The following ACSS2 variants were observed in gnomAD, a reference collection of about 807,000 sequenced individuals.
The protein encoded by ACSS2 is acyl-CoA synthetase short chain family member 2.
Under a neutral mutation model 90.6 loss-of-function variants are expected in ACSS2, and 58 were observed. The observed-to-expected ratio is 0.64, with a 90% CI of 0.52 to 0.80. The LOEUF is 0.80. ACSS2 is among the 30% of genes least tolerant of loss of function. The pLI is 0.00. For missense variants in ACSS2, 759 were observed against 912.0 expected (o/e 0.83, Z 2.16); for synonymous variants, 300 against 330.9 (o/e 0.91, Z 1.01).
At chr20:34,888,096 A>G (rs2080244605) in intron 2 of ACSS2, among the ~76,000 whole-genome samples, 2 of 148,254 alleles carry the variant, frequency 1.3e-5, no homozygotes, top group South Asian at 4.4e-4. Flanking sequence ...AAAAGCCTGA[A>G]AAGAATTATG....
intron 14 of ACSS2, among the ~76,000 whole-genome samples, chr20:34,924,330 TTAGA>T (rs1167372827): frequency 6.6e-6 from 1 of 152,176 alleles, no homozygotes; most frequent in African/African-American, 2.4e-5. Context: ...TAAGCTTATC[TTAGA>T]TAGAGATAAA....
intron 2 of ACSS2, among the ~76,000 whole-genome samples, chr20:34,911,312 C>T (rs985891137): frequency 1.3e-5 from 2 of 151,860 alleles, no homozygotes; most frequent in African/African-American, 2.4e-5. Flanking sequence ...CTCAGCCTCC[C>T]GAGTAGCTGG....
intron 2 of ACSS2, among the ~76,000 whole-genome samples, chr20:34,909,633 T>G (rs2080898922): frequency 6.6e-6 from 1 of 152,094 alleles, no homozygotes. Context: ...GTCCCTTAAG[T>G]AGAGCAGTTC....
chr20:34,921,634 G>C (rs369641394), intron 12 of ACSS2, 34 bp downstream of exon 12: 2 of 1,614,080 alleles, frequency 1.2e-6, no homozygotes, highest in African/African-American at 1.3e-5. Flanking sequence ...TCTTGGGCTA[G>C]GCAGGGATGG....
Position 34,927,483 on chromosome 20 carries a change from C to T in ACSS2, c.*269C>T. The T allele has an allele frequency of 2.0e-6, 1 of 501,944 alleles. No individual in the cohort carries two copies. Among genetic ancestry groups the T allele is most frequent in the East Asian group, 3.4e-5 (1 of 29,848 alleles). The allele number at this position is 501,944 out of a possible 1,614,324, so 31.1% of individuals were successfully genotyped here. On this transcript the variant is annotated 3_prime_UTR_variant, in exon 18 of 18. Transcript: ENST00000360596. The surrounding 1 kb of genome is among the most constrained non-coding windows in gnomAD (Gnocchi z 4.2). The stretch of plus-strand genomic sequence containing the variant: ...GAACAGAGACGAAAAGGCTACCTCT[C>T]CTACCCAAGTTAAGTGTTCAAAGGG...
chr20:34,879,065 C>T (rs367794261), intron 1 of ACSS2, among the ~76,000 whole-genome samples: 30 of 150,682 alleles, frequency 2.0e-4, no homozygotes, highest in African/African-American at 6.7e-4. Context: ...CTACCACGCC[C>T]GGCTAATTTT....
chr20:34,876,968 T>C, intron 1 of ACSS2, 145 bp downstream of exon 1: 3 of 519,008 alleles, frequency 5.8e-6, no homozygotes, highest in Non-Finnish European at 8.9e-6. Context: ...TCTTTGAAAA[T>C]GGAAAAGGGA....
chr20:34,892,452 A>G (rs2080357643), intron 2 of ACSS2, among the ~76,000 whole-genome samples: 1 of 151,926 alleles, frequency 6.6e-6, no homozygotes, highest in Non-Finnish European at 1.5e-5. Context: ...CAGGAATTGT[A>G]GTACCAATAT....
rs1219851913 is a variant in ACSS2 at position 34,876,747 on chromosome 20, G to A, written c.102G>A (p.Glu34=). 7.0e-7 allele frequency: 1 copy of A among 1,436,102 alleles called. No individual in the cohort carries two copies. The highest frequency in any genetic ancestry group is 3.1e-5 in the East Asian group (1 of 32,772). 89.0% of individuals were successfully genotyped at this position (1,436,102 alleles called of 1,614,324 possible). A position where few individuals can be genotyped will look rare whatever the true frequency, so the allele number is the denominator to read the frequency against. Residue 34 remains glutamate (E), a synonymous_variant, in exon 1 of 18, where the codon GAG becomes GAA. Transcript: ENST00000360596. The stretch of plus-strand genomic sequence containing the variant: ...CGCGGAGTTGGTCTCCGCCGCCCGA[G>A]GTCAGCCGCTCCGCGCACGTCCCCT... The part of the protein sequence containing the change: ...GRARSWSPPP[E]VSRSAHVPSL...
chr20:34,922,055 G>A, intron 13 of ACSS2, 189 bp downstream of exon 13: 1 of 1,344,954 alleles, frequency 7.4e-7, no homozygotes, highest in Non-Finnish European at 9.5e-7. Context: ...CTTCCTTTTG[G>A]GCCATAAGTC....
At chr20:34,923,468 A>T (rs1400452762) in intron 14 of ACSS2, 37 bp downstream of exon 14, 1 of 1,444,704 alleles carries the variant, frequency 6.9e-7, no homozygotes, top group Non-Finnish European at 9.7e-7. Flanking sequence ...ACCTCCCACT[A>T]AGACATGTAC....
rs2081026582 is a variant in ACSS2, at chr20:34,914,165, A to G, written c.713A>G (p.Gln238Arg). The change falls in exon 6 of 18, where the codon CAG becomes CGG. Residue 238 changes from glutamine (Q) to arginine (R), a missense_variant. By Grantham distance (43) the Gln-to-Arg change is conservative. Coordinates refer to ENST00000360596, the MANE Select transcript of ACSS2 (RefSeq NM_018677.4). ...ELADEALQKC[Q>R]EKGFPVRCCI... ...GCTGACGAGGCCCTGCAGAAGTGTCAGGAGAAGTAAGTGTGTTTGGCTACT... is the reference window on the plus strand; with the variant it reads ...GCTGACGAGGCCCTGCAGAAGTGTCGGGAGAAGTAAGTGTGTTTGGCTACT... 6.2e-7 allele frequency: 1 copy of G among 1,614,074 alleles called. No individual in the cohort carries two copies. The highest frequency in any genetic ancestry group is 8.5e-7 in the Non-Finnish European group (1 of 1,180,022).
chr20:34,889,833 C>T (rs957820921), intron 2 of ACSS2, among the ~76,000 whole-genome samples: 1 of 152,112 alleles, frequency 6.6e-6, no homozygotes, highest in Non-Finnish European at 1.5e-5. Flanking sequence ...AGAGGAGTTA[C>T]GGTTGTCATC....
chr20:34,883,209 T>C (rs2080108784), intron 2 of ACSS2, among the ~76,000 whole-genome samples: 1 of 152,198 alleles, frequency 6.6e-6, no homozygotes, highest in African/African-American at 2.4e-5. Flanking sequence ...TTCTTGGCTT[T>C]GTAGTTGAAG....
intron 2 of ACSS2, among the ~76,000 whole-genome samples, chr20:34,890,002 G>A (rs2146991265): frequency 6.6e-6 from 1 of 152,316 alleles, no homozygotes; most frequent in South Asian, 2.1e-4. Context: ...TTGTTATTCA[G>A]TCCTGAACTA....
At chr20:34,923,809 GC>G (rs1166747590) in intron 14 of ACSS2, among the ~76,000 whole-genome samples, 12 of 66,016 alleles carry the variant, frequency 1.8e-4, no homozygotes, top group Non-Finnish European at 1.9e-4. Context: ...TGTCCCCCCC[GC>G]CCCCCCCACC....
chr20:34,875,414 C>T (rs1208749439), upstream of ACSS2, among the ~76,000 whole-genome samples: 2 of 152,064 alleles, frequency 1.3e-5, no homozygotes, highest in South Asian at 2.1e-4. Context: ...ACTAAAAATA[C>T]AAAAATTAGC....
At chr20:34,880,745 C>CT (rs1348120786) in intron 1 of ACSS2, among the ~76,000 whole-genome samples, 1 of 151,612 alleles carries the variant, frequency 6.6e-6, no homozygotes, top group Non-Finnish European at 1.5e-5. Flanking sequence ...ATAATGGCAC[C>CT]TTGGGGTTGA....
intron 14 of ACSS2, 118 bp downstream of exon 14, chr20:34,923,549 A>C: frequency 1.3e-6 from 1 of 751,994 alleles, no homozygotes; most frequent in South Asian, 1.6e-5. Flanking sequence ...GTGATTTATA[A>C]AGAAAAGAGG....
Sources: allele counts gnomAD v4.1 joint callset (sites outside exome capture counted in the v4.1 genomes callset), GRCh38; gene constraint gnomAD v4.1.1; non-coding constraint Gnocchi (gnomAD v3.1); transcripts MANE v1.5; gene names NCBI Gene and HGNC (gene_info 2026-07-23, HGNC 2026-07-21).